Variants in TMOD1 observed in about 807,000 individuals in gnomAD.
The protein encoded by TMOD1 is tropomodulin-1.
A neutral mutation model predicts 40.6 loss-of-function variants in TMOD1; 17 were observed. The ratio of observed to expected loss-of-function variants is 0.42; its 90% CI spans 0.29 to 0.63. The LOEUF (loss-of-function observed/expected upper bound fraction) is 0.63. Among genes scored for constraint, TMOD1 ranks in the 20% least tolerant of loss-of-function variants. TMOD1 has a pLI of 0.22. For missense variants in TMOD1, 391 were observed against 447.6 expected (o/e 0.87, Z 1.14); for synonymous variants, 181 against 175.0 (o/e 1.03, Z -0.27).
chr9:97,522,060 A>G (rs987681385), intron 1 of TMOD1, among the ~76,000 whole-genome samples: 7 of 152,178 alleles, frequency 4.6e-5, no homozygotes, highest in African/African-American at 1.7e-4. Flanking sequence ...GTTGGCTTGC[A>G]TGGAGGTCTA....
chr9:97,589,434 G>A (rs1378567291), intron 8 of TMOD1, among the ~76,000 whole-genome samples: 2 of 150,500 alleles, frequency 1.3e-5, no homozygotes, highest in African/African-American at 2.4e-5. Flanking sequence ...ACCACGCCCA[G>A]CTACTTTTTG....
At chr9:97,597,815 C>T (rs760408011) in intron 9 of TMOD1, among the ~76,000 whole-genome samples, 14 of 152,048 alleles carry the variant, frequency 9.2e-5, no homozygotes, top group Admixed American at 2.6e-4. Context: ...CCCACCAAGC[C>T]ATAGGGTCCT....
At chr9:97,531,616 C>T (rs1013471953) in intron 2 of TMOD1, among the ~76,000 whole-genome samples, 1 of 151,994 alleles carries the variant, frequency 6.6e-6, no homozygotes, top group African/African-American at 2.4e-5. Context: ...ATCTCAAAAA[C>T]AGAGTTCTGA....
At chr9:97,512,610 G>A (rs532322792) in intron 1 of TMOD1, 1 of 150,746 alleles carries the variant, frequency 6.6e-6, no homozygotes, top group East Asian at 1.9e-4. Flanking sequence ...AGTAGCACAG[G>A]TGAATCTCAC....
chr9:97,564,780 G>A (rs570950517), intron 6 of TMOD1, among the ~76,000 whole-genome samples: 4 of 152,164 alleles, frequency 2.6e-5, no homozygotes, highest in South Asian at 2.1e-4. Flanking sequence ...TGAACAGGCC[G>A]CCGCAGGAAG....
intron 5 of TMOD1, 25 bp downstream of exon 5, chr9:97,562,846 G>A: frequency 6.4e-7 from 1 of 1,557,144 alleles, no homozygotes; most frequent in Non-Finnish European, 8.7e-7. Context: ...GCCCCCAGGA[G>A]GGACCTCATG....
chr9:97,504,155 A>G (rs755179525), intron 1 of TMOD1, among the ~76,000 whole-genome samples: 13 of 152,184 alleles, frequency 8.5e-5, no homozygotes, highest in Non-Finnish European at 1.6e-4. Flanking sequence ...TTCTCCTCAT[A>G]CAATGGAGAC....
Position 97,524,497 on chromosome 9 carries a change from GGT to G in TMOD1, c.120+212_120+213del, listed in dbSNP as rs71369515. Among the ~76,000 whole-genome samples the G allele has an allele frequency of 6.9e-4, 98 of 142,956 alleles. 1 individual carries two copies. Among genetic ancestry groups the G allele is most frequent in the African/African-American group, 2.2e-3 (82 of 37,198 alleles). The allele number at this position is 142,956 out of a possible 152,430, so 93.8% of individuals were successfully genotyped here. On this transcript the variant is annotated intron_variant, in intron 2 of 9. Transcript: ENST00000259365. ...CTCCAGAGAAAGAGAGAACCAATAG[GGT>G]GTGTGTGTGTGTGTGTGTGTGTATG...
chr9:97,557,822 T>C lies in TMOD1; in HGVS notation c.397+4422T>C, dbSNP rs111321024. On this transcript the variant is annotated intron_variant, in intron 4 of 9. Transcript: ENST00000259365. The surrounding 1 kb of genome is among the most constrained non-coding windows in gnomAD (Gnocchi z 4.4). ...AGGAAACAGAACTCAATGTTCTTTT[T>C]CAGAGTTCAAAAATAGTCCTTTTTG... Among the ~76,000 whole-genome samples the C allele has an allele frequency of 3.2e-4, 48 of 152,248 alleles. No homozygotes were observed. The highest frequency in any genetic ancestry group is 9.9e-4 in the African/African-American group (41 of 41,548).
rs186771350 is a variant in TMOD1 at position 97,509,570 on chromosome 9, G to A, written c.-49+7767G>A. ...CTTTCACCCAGGCTGGAGTGCAGTGGCTCACTGCAACCTCCACCTTCTGGG... is the reference window on the plus strand; with the variant it reads ...CTTTCACCCAGGCTGGAGTGCAGTGACTCACTGCAACCTCCACCTTCTGGG... On this transcript the variant is annotated intron_variant, in intron 1 of 9. Coordinates refer to ENST00000259365, the MANE Select transcript of TMOD1 (RefSeq NM_003275.4). Among the ~76,000 whole-genome samples the A allele has an allele frequency of 1.5e-3, 218 of 149,432 alleles. 4 individuals carry two copies. In the South Asian group the frequency reaches 0.024, roughly 16 times the overall value.
intron 4 of TMOD1, among the ~76,000 whole-genome samples, chr9:97,559,613 A>C (rs1830586301): frequency 6.6e-6 from 1 of 150,724 alleles, no homozygotes; most frequent in Non-Finnish European, 1.5e-5. Flanking sequence ...AAAAATACAA[A>C]AATTAGCTGG....
In TMOD1 at chr9:97,600,210, C is replaced by CT. The variant is rs1471137197; in HGVS notation, c.*513dup. On this transcript the variant is annotated 3_prime_UTR_variant, in exon 10 of 10. Coordinates refer to ENST00000259365, the MANE Select transcript of TMOD1 (RefSeq NM_003275.4). ...TCGATTAAAGTTGCCAAATTGATTA[C>CT]TGGATCCAGAACACAATTTTCCCCT... 1 of 995,114 alleles carries CT rather than the reference C, an allele frequency of 1.0e-6. No individual in the cohort carries two copies. The highest frequency in any genetic ancestry group is 1.0e-4 in the East Asian group (1 of 9,586). 61.6% of individuals were successfully genotyped at this position (995,114 alleles called of 1,614,324 possible).
chr9:97,555,540 C>T (rs954841337), intron 4 of TMOD1: 19 of 1,485,588 alleles, frequency 1.3e-5, no homozygotes, highest in African/African-American at 1.3e-4. Flanking sequence ...TCTGTAACGA[C>T]GCAATATGCT....
At chr9:97,566,029 G>A in intron 7 of TMOD1, 74 bp downstream of exon 7, 1 of 1,328,584 alleles carries the variant, frequency 7.5e-7, no homozygotes. Context: ...GTGGCCTCAG[G>A]ACTGGTTGTA....
intron 9 of TMOD1, among the ~76,000 whole-genome samples, chr9:97,596,499 A>AC (rs1303774129): frequency 6.6e-6 from 1 of 152,204 alleles, no homozygotes; most frequent in Non-Finnish European, 1.5e-5. Flanking sequence ...ACCAGGTGAG[A>AC]CAGGTGCTAT....
At chr9:97,544,522 A>G (rs34980166) in intron 2 of TMOD1, among the ~76,000 whole-genome samples, 30,579 of 151,536 alleles carry the variant, frequency 0.2, 3,513 homozygotes, top group Middle Eastern at 0.29. Flanking sequence ...GGTGACAGAG[A>G]AAGACTCTGT....
At chr9:97,572,527 G>A (rs1009253072) in intron 8 of TMOD1, among the ~76,000 whole-genome samples, 1 of 152,120 alleles carries the variant, frequency 6.6e-6, no homozygotes. Context: ...CTCAGGGAGG[G>A]GGCTCTGCTG....
At chr9:97,533,001 A>G (rs1254194742) in intron 2 of TMOD1, among the ~76,000 whole-genome samples, 3 of 152,248 alleles carry the variant, frequency 2.0e-5, no homozygotes, top group Non-Finnish European at 2.9e-5. Context: ...TAAAGCGCCC[A>G]GCATTTTCAG....
chr9:97,579,983 C>T (rs1456661721), intron 8 of TMOD1, among the ~76,000 whole-genome samples: 2 of 152,102 alleles, frequency 1.3e-5, no homozygotes, highest in Non-Finnish European at 2.9e-5. Context: ...TCTGTCTGCA[C>T]CAGGTACCAT....
Sources: gnomAD v4.1 joint callset for allele counts (sites outside exome capture counted in the v4.1 genomes callset) on GRCh38, gnomAD v4.1.1 for gene constraint, Gnocchi (gnomAD v3.1) non-coding constraint, MANE v1.5 for transcripts, NCBI Gene and HGNC (gene_info 2026-07-23, HGNC 2026-07-21) for gene names.